ASTN2: variants seen among roughly 807,000 people sequenced by gnomAD.
ASTN2 encodes astrotactin 2, also known as astrotactin-2.
In ASTN2, 54 loss-of-function variants were observed where a neutral mutation model predicts 139.8. The observed-to-expected ratio is 0.39, with a 90% confidence interval of 0.31 to 0.48. The LOEUF is 0.48. Ranked by LOEUF, ASTN2 falls within the 20% of genes least tolerant of loss-of-function variation. ASTN2 has a pLI of 0.95. For synonymous variants in ASTN2, 756 were observed against 719.5 expected (o/e 1.05, Z -0.81); for missense variants, 1,565 against 1,725.1 (o/e 0.91, Z 1.64).
At chr9:116,635,266 G>A (rs1857019424) in intron 17 of ASTN2, among the ~76,000 whole-genome samples, 2 of 152,078 alleles carry the variant, frequency 1.3e-5, no homozygotes, top group Admixed American at 6.5e-5. Context: ...CTAAGAAAAC[G>A]GAGCTCAGGT....
chr9:117,141,187 A>AG, intron 4 of ASTN2, 139 bp downstream of exon 4: 1 of 930,812 alleles, frequency 1.1e-6, no homozygotes, highest in Non-Finnish European at 1.4e-6. Flanking sequence ...GCAGCCTCCA[A>AG]GGGGATTTAT....
chr9:116,932,011 G>C (rs143016221), intron 10 of ASTN2, among the ~76,000 whole-genome samples: 1 of 152,206 alleles, frequency 6.6e-6, no homozygotes, highest in Non-Finnish European at 1.5e-5. Context: ...TGAACTGTGA[G>C]AATGAGGGGT....
intron 1 of ASTN2, among the ~76,000 whole-genome samples, chr9:117,349,227 G>A (rs1829317009): frequency 6.6e-6 from 1 of 152,204 alleles, no homozygotes; most frequent in Non-Finnish European, 1.5e-5. Context: ...CTCCCAAGGA[G>A]AGATCACCAA....
intron 19 of ASTN2, among the ~76,000 whole-genome samples, chr9:116,498,438 A>T (rs1379264861): frequency 6.6e-6 from 1 of 152,042 alleles, no homozygotes; most frequent in Non-Finnish European, 1.5e-5. Flanking sequence ...ACAAAAAACA[A>T]AAAACAAAAA....
chr9:116,852,555 A>G (rs746313301), intron 11 of ASTN2, among the ~76,000 whole-genome samples: 3 of 152,150 alleles, frequency 2.0e-5, no homozygotes, highest in Non-Finnish European at 2.9e-5. Flanking sequence ...TGCTCCCTCA[A>G]GGGAAAGGGA....
intron 10 of ASTN2, among the ~76,000 whole-genome samples, chr9:116,959,866 A>G (rs948688643): frequency 6.6e-6 from 1 of 152,132 alleles, no homozygotes; most frequent in Non-Finnish European, 1.5e-5. Context: ...CGAGTTCCGG[A>G]GAATACATCC....
At chr9:117,260,252 G>T (rs1833790005) in intron 2 of ASTN2, among the ~76,000 whole-genome samples, 1 of 152,162 alleles carries the variant, frequency 6.6e-6, no homozygotes, top group Non-Finnish European at 1.5e-5. Flanking sequence ...ATATATACTG[G>T]ACTTTGAGTT....
intron 11 of ASTN2, among the ~76,000 whole-genome samples, chr9:116,851,373 G>C (rs1263035376): frequency 1.3e-5 from 2 of 152,164 alleles, no homozygotes; most frequent in Non-Finnish European, 2.9e-5. Flanking sequence ...CTTGACATGG[G>C]TGATGGTTTA....
intron 16 of ASTN2, among the ~76,000 whole-genome samples, chr9:116,683,004 T>C (rs1221455937): frequency 1.3e-5 from 2 of 148,470 alleles, no homozygotes; most frequent in East Asian, 4.0e-4. Flanking sequence ...TGTGCACATG[T>C]ACCCTAAAAC....
At chr9:117,222,222 A>T (rs1426438910) in intron 2 of ASTN2, among the ~76,000 whole-genome samples, 1 of 152,174 alleles carries the variant, frequency 6.6e-6, no homozygotes, top group African/African-American at 2.4e-5. Context: ...GTAGTTTGAC[A>T]GTTCAAGTCC....
chr9:116,426,017 T>C lies in ASTN2; in HGVS notation c.3854A>G (p.Tyr1285Cys), dbSNP rs976356482. ...CACTGTTTCCACGCGGCTCTGGATG[T>C]AGGCACTCCGCAGGAGGCTGGAGCA... ...SHCSSLLRSA[Y>C]IQSRVETVPY... The change falls in exon 23 of 23, where the codon TAC becomes TGC. Residue 1285 changes from tyrosine (Y) to cysteine (C), a missense_variant. Physicochemically the swap from Tyr to Cys is radical, Grantham distance 194. Transcript: ENST00000313400. The C allele has an allele frequency of 6.2e-7, 1 of 1,614,104 alleles. No individual in the cohort carries two copies. Among genetic ancestry groups the C allele is most frequent in the Non-Finnish European group, 8.5e-7 (1 of 1,180,016 alleles).
chr9:117,373,855 A>G lies in ASTN2; in HGVS notation c.442+40642T>C, dbSNP rs1011863709. On this transcript the variant is annotated intron_variant, in intron 1 of 22. Coordinates refer to ENST00000313400, the MANE Select transcript of ASTN2 (RefSeq NM_001365068.1). Reference sequence around the variant, plus strand: ...ACTTAGGGATTTGGGGGAAAACACAAATTAGCAGGTTGGACAGCACATATC... The same window carrying G: ...ACTTAGGGATTTGGGGGAAAACACAGATTAGCAGGTTGGACAGCACATATC... Among the ~76,000 whole-genome samples the G allele has an allele frequency of 4.6e-5, 7 of 152,218 alleles. 1 individual carries two copies. The highest frequency in any genetic ancestry group is 3.2e-3 in the Middle Eastern group (1 of 316).
At chr9:117,144,992 T>TAAAA (rs1554782840) in intron 3 of ASTN2, among the ~76,000 whole-genome samples, 16 of 151,206 alleles carry the variant, frequency 1.1e-4, no homozygotes, top group African/African-American at 3.4e-4. Context: ...TCTTTTTTTT[T>TAAAA]AAAAACTTTT....
At chr9:117,362,069 G>A (rs889564878) in intron 1 of ASTN2, among the ~76,000 whole-genome samples, 3 of 152,088 alleles carry the variant, frequency 2.0e-5, no homozygotes, top group Non-Finnish European at 4.4e-5. Context: ...CCACCTCCTG[G>A]GTTCAGGTGA....
chr9:117,135,984 T>C (rs1829942510), intron 4 of ASTN2, among the ~76,000 whole-genome samples: 1 of 152,186 alleles, frequency 6.6e-6, no homozygotes, highest in African/African-American at 2.4e-5. Flanking sequence ...GGGAGCCTTG[T>C]GTAGCAAGTG....
intron 20 of ASTN2, among the ~76,000 whole-genome samples, chr9:116,479,101 A>G (rs1849087536): frequency 1.3e-5 from 2 of 152,048 alleles, no homozygotes; most frequent in Non-Finnish European, 2.9e-5. Context: ...GGAGAAACGA[A>G]GACCTCCAAA....
chr9:117,045,295 T>C lies in ASTN2; in HGVS notation c.1277-5330A>G, dbSNP rs1426451572. On this transcript the variant is annotated intron_variant, in intron 5 of 22. Coordinates refer to ENST00000313400, the MANE Select transcript of ASTN2 (RefSeq NM_001365068.1). ...AAAAAGAGCTAAATAAATTAAATGA[T>C]AGCTGCAGATCATATTGCCTGAGTA... Among the ~76,000 whole-genome samples the C allele has an allele frequency of 5.4e-5, 8 of 147,422 alleles. No homozygotes were observed. The East Asian group carries it at 1.6e-3, about 30-fold the overall frequency.
intron 20 of ASTN2, among the ~76,000 whole-genome samples, chr9:116,473,487 T>C (rs1848881832): frequency 2.0e-5 from 3 of 152,222 alleles, no homozygotes; most frequent in Admixed American, 1.3e-4. Flanking sequence ...AGATCCCATG[T>C]CCAAAGGGCT....
At chr9:117,342,184 G>T (rs934874471) in intron 1 of ASTN2, among the ~76,000 whole-genome samples, 1 of 152,000 alleles carries the variant, frequency 6.6e-6, no homozygotes, top group Admixed American at 6.6e-5. Context: ...AGGCATCCTG[G>T]GTCTGTGAAT....
Sources: gnomAD v4.1 joint callset for allele counts (sites outside exome capture counted in the v4.1 genomes callset) on GRCh38, gnomAD v4.1.1 for gene constraint, MANE v1.5 for transcripts, NCBI Gene and HGNC (gene_info 2026-07-23, HGNC 2026-07-21) for gene names.